The following DIPK1B variants were observed in gnomAD, a reference collection of about 807,000 sequenced individuals.
DIPK1B encodes the protein divergent protein kinase domain 1B.
DIPK1B carries 17 observed loss-of-function variants against 20.7 expected under a neutral mutation model. The observed-to-expected ratio is 0.82, with a 90% confidence interval of 0.56 to 1.23. The LOEUF is 1.23. Among genes scored for constraint, DIPK1B ranks in the 50% most tolerant of loss-of-function variants. The pLI is 0.00. For missense variants in DIPK1B, 648 were observed against 601.8 expected, an observed-to-expected ratio of 1.08 and a Z score of -0.80; for synonymous variants, 343 against 276.5, an observed-to-expected ratio of 1.24 and a Z score of -2.39.
At position 136,723,668 on chromosome 9, in the gene DIPK1B, C is replaced by T. The variant is rs749581236; in HGVS notation, c.1190C>T (p.Thr397Ile). The T allele has an allele frequency of 1.9e-6, 3 of 1,549,920 alleles. No homozygotes were observed. The highest frequency in any genetic ancestry group is 2.4e-5 in the East Asian group (1 of 41,474). The change falls in exon 5 of 5, where the codon ACC becomes ATC. Residue 397 changes from threonine to isoleucine, a missense_variant. Thr to Ile is a moderately conservative substitution (Grantham distance 89, BLOSUM62 -1). Transcript: ENST00000371692. The stretch of plus-strand genomic sequence containing the variant: ...CTGGGCACACAGCTGCGCACCTGTA[C>T]CACGCTGAGCGGGCTGGCCAGCCAG... The part of the protein sequence containing the change: ...EELGTQLRTC[T>I]TLSGLASQVE...
chr9:136,724,238 G>A lies in DIPK1B; in HGVS notation c.*464G>A, dbSNP rs116901191. Among the ~76,000 whole-genome samples, 19 of 152,248 alleles carry A rather than the reference G, an allele frequency of 1.2e-4. No homozygotes were observed. The highest frequency in any genetic ancestry group is 6.2e-4 in the South Asian group (3 of 4,822). On this transcript the variant is annotated 3_prime_UTR_variant, in exon 5 of 5. Transcript: ENST00000371692. ...TCAACCCACACACACCTCTGAAGCCGCCAGGGCAGTTCCCCAAACACAGCG... is the reference window on the plus strand; with the variant it reads ...TCAACCCACACACACCTCTGAAGCCACCAGGGCAGTTCCCCAAACACAGCG...
At position 136,722,250 on chromosome 9, in the gene DIPK1B, C is replaced by G. The variant is rs779491125; in HGVS notation, c.432C>G (p.Thr144=). 31 of 1,613,900 alleles carry G rather than the reference C, an allele frequency of 1.9e-5. No individual in the cohort carries two copies. Among genetic ancestry groups the G allele is most frequent in the Non-Finnish European group, 2.5e-5 (30 of 1,179,980 alleles). The change falls in exon 4 of 5, where the codon ACC becomes ACG. Residue 144 remains threonine, a synonymous_variant. Coordinates refer to ENST00000371692, the MANE Select transcript of DIPK1B (RefSeq NM_152421.4). ...RRELVLFDKP[T]RGTSIKEFRE... is the part of the protein sequence containing the mutation. ...AGCTGGTACTGTTTGACAAGCCCAC[C>G]CGGGGCACCTCCATCAAGGAATTCC...
intron 4 of DIPK1B, 182 bp downstream of exon 4, chr9:136,722,483 C>A: frequency 1.3e-6 from 1 of 782,118 alleles, no homozygotes; most frequent in South Asian, 1.8e-5. Flanking sequence ...CTCTCCAGGG[C>A]TGGGGGCAAG....
At chr9:136,717,441 G>C in intron 1 of DIPK1B, 136 bp from the exon 2 acceptor site, 1 of 976,110 alleles carries the variant, frequency 1.0e-6, no homozygotes, top group Non-Finnish European at 1.5e-6. Context: ...AGAAGACGGG[G>C]GTGCCAGGGG....
rs982951544 is a variant in DIPK1B, at chr9:136,722,182, A to C, written c.364A>C (p.Thr122Pro). 1 of 1,612,452 alleles carries C rather than the reference A, an allele frequency of 6.2e-7. No individual in the cohort carries two copies. Among genetic ancestry groups the C allele is most frequent in the African/African-American group, 1.3e-5 (1 of 74,320 alleles). ...DVTIKCGIEE[T>P]LDSKARSDAA... ...AACCATCAAGTGTGGCATTGAGGAG[A>C]CCCTCGACTCCAAGGCCCGGTCGGA... Residue 122 changes from threonine (T) to proline (P), a missense_variant, in exon 4 of 5, where the codon ACC (threonine) becomes CCC (proline). By Grantham distance (38) the Thr-to-Pro change is conservative. Coordinates refer to ENST00000371692, the MANE Select transcript of DIPK1B (RefSeq NM_152421.4).
chr9:136,717,927 T>C (rs1846524255), intron 2 of DIPK1B, among the ~76,000 whole-genome samples: 1 of 67,646 alleles, frequency 1.5e-5, no homozygotes, highest in Non-Finnish European at 3.0e-5. Context: ...TCAGGCTGGG[T>C]GTGGAGGATG....
intron 2 of DIPK1B, among the ~76,000 whole-genome samples, chr9:136,718,170 G>A (rs1399326739): frequency 2.8e-5 from 3 of 108,100 alleles, no homozygotes; most frequent in Non-Finnish European, 6.2e-5. Context: ...TCACTGGCCT[G>A]GGATAGAGAC....
rs142334832 is a variant in DIPK1B, at chr9:136,722,976, C to T, written c.498C>T (p.Asp166=). Residue 166 remains aspartate, a synonymous_variant, in exon 5 of 5, where the codon GAC becomes GAT. Transcript: ENST00000371692. ...CCAAACGCCAGGCGAACCTGGGAGA[C>T]CTGCCTTCCCTGCCGGCGCTGGTTG... ...TLSFLKANLG[D]LPSLPALVGQ... 54 of 1,605,806 alleles carry T rather than the reference C, an allele frequency of 3.4e-5. No homozygotes were observed. Among genetic ancestry groups the T allele is most frequent in the South Asian group, 1.8e-4 (16 of 90,850 alleles).
In DIPK1B at chr9:136,723,413, A is replaced by T; in HGVS notation, c.935A>T (p.Lys312Met). 6.2e-7 allele frequency: 1 copy of T among 1,612,734 alleles called. No individual in the cohort carries two copies. The highest frequency in any genetic ancestry group is 8.5e-7 in the Non-Finnish European group (1 of 1,179,584). Residue 312 changes from lysine to methionine, a missense_variant, in exon 5 of 5, where the codon AAG becomes ATG. Coordinates refer to ENST00000371692, the MANE Select transcript of DIPK1B (RefSeq NM_152421.4). ...NVGYTATYDF[K>M]MADLQQVAPE... ...GGCTACACAGCCACCTACGACTTCA[A>T]GATGGCCGACCTGCAGCAGGTGGCA...
intron 1 of DIPK1B, among the ~76,000 whole-genome samples, chr9:136,715,784 G>C (rs1431925190): frequency 6.6e-6 from 1 of 152,172 alleles, no homozygotes; most frequent in Non-Finnish European, 1.5e-5. Flanking sequence ...AAAGTTCTGG[G>C]ATTACAGGGG....
intron 4 of DIPK1B, 76 bp from the exon 5 acceptor site, chr9:136,722,886 G>A: frequency 1.4e-6 from 2 of 1,432,794 alleles, no homozygotes; most frequent in African/African-American, 1.4e-5. Flanking sequence ...CCGCCAGGAG[G>A]ACCAGGTAAA....
chr9:136,724,722 T>C lies in DIPK1B; in HGVS notation c.*948T>C, dbSNP rs1345562950. ...AAATAAATGTTTTCCATATAGATTT[T>C]CCCCTTGGGGGGGAAAAGAATTCAG... On this transcript the variant is annotated 3_prime_UTR_variant, in exon 5 of 5. Coordinates refer to ENST00000371692, the MANE Select transcript of DIPK1B (RefSeq NM_152421.4). 1 of 152,230 alleles carries C rather than the reference T, an allele frequency of 6.6e-6. No homozygotes were observed. Among genetic ancestry groups the C allele is most frequent in the African/African-American group, 2.4e-5 (1 of 41,466 alleles). The allele number at this position is 152,230 out of a possible 1,614,324, so 9.4% of individuals were successfully genotyped here. A position where few individuals can be genotyped will look rare whatever the true frequency, so the allele number is the denominator to read the frequency against.
chr9:136,718,551 C>T lies in DIPK1B; in HGVS notation c.198+840C>T, dbSNP rs1051880170. Among the ~76,000 whole-genome samples the T allele has an allele frequency of 2.6e-5, 4 of 152,210 alleles. 1 individual carries two copies. Among genetic ancestry groups the T allele is most frequent in the South Asian group, 4.1e-4 (2 of 4,834 alleles). On this transcript the variant is annotated intron_variant, in intron 2 of 4. Transcript: ENST00000371692. ...CTGTCTTCCTGGCAAACCCTAGACT[C>T]GCCCAGAACTGGGCAGGTCCCCCAC...
chr9:136,723,440 C>T lies in DIPK1B; in HGVS notation c.962C>T (p.Pro321Leu). ...FKMADLQQVA[P>L]EATVRRFLQG... ...ATGGCCGACCTGCAGCAGGTGGCAC[C>T]CGAGGCCACCGTGCGCCGCTTCCTG... is the stretch of plus-strand genomic sequence containing the variant. Residue 321 changes from proline to leucine, a missense_variant, in exon 5 of 5, where the codon CCC (proline) becomes CTC (leucine). Pro to Leu is a moderately conservative substitution (Grantham distance 98). Transcript: ENST00000371692. 2.5e-6 allele frequency: 4 copies of T among 1,611,818 alleles called. No homozygotes were observed. Among genetic ancestry groups the T allele is most frequent in the Non-Finnish European group, 3.4e-6 (4 of 1,179,302 alleles).
At chr9:136,716,719 C>T (rs372766347) in intron 1 of DIPK1B, among the ~76,000 whole-genome samples, 1 of 152,124 alleles carries the variant, frequency 6.6e-6, no homozygotes, top group South Asian at 2.1e-4. Flanking sequence ...CTCTTAAAGG[C>T]TTCCAGGATG....
rs1462257355 is a variant in DIPK1B, at chr9:136,722,701, A to G, written c.484-261A>G. The G allele has an allele frequency of 6.9e-6, 4 of 580,888 alleles. No homozygotes were observed. In the East Asian group the frequency reaches 1.1e-4, roughly 17 times the overall value. 36.0% of individuals were successfully genotyped at this position (580,888 alleles called of 1,614,324 possible). A position where few individuals can be genotyped will look rare whatever the true frequency, so the allele number is the denominator to read the frequency against. On this transcript the variant is annotated intron_variant, in intron 4 of 4. Transcript: ENST00000371692. ...CTGAGGCTTCTCTGCCCAGGTGCCC[A>G]CCCCCGAGCTCCCCAGGTGCACCCA...
rs911271196 is a variant in DIPK1B, at chr9:136,712,655, C to T, written c.-11C>T. ...GCCGCGGGGCCCGCGCAGCCCCGGC[C>T]GGAGCCCACCATGCGGCGGCTGCGG... On this transcript the variant is annotated 5_prime_UTR_variant, in exon 1 of 5. Coordinates refer to ENST00000371692, the MANE Select transcript of DIPK1B (RefSeq NM_152421.4). The surrounding 1 kb of genome is among the most constrained non-coding windows in gnomAD (Gnocchi z 5.6). 5.6e-6 allele frequency: 7 copies of T among 1,248,552 alleles called. No individual in the cohort carries two copies. Among genetic ancestry groups the T allele is most frequent in the African/African-American group, 1.6e-5 (1 of 62,904 alleles). 77.3% of individuals were successfully genotyped at this position (1,248,552 alleles called of 1,614,324 possible).
At chr9:136,715,097 C>T (rs1056963654) in intron 1 of DIPK1B, among the ~76,000 whole-genome samples, 4 of 152,350 alleles carry the variant, frequency 2.6e-5, no homozygotes, top group African/African-American at 9.6e-5. Flanking sequence ...GTGCCCAGGG[C>T]AGCCTCTCCC....
In DIPK1B at chr9:136,723,268, C is replaced by T. The variant is rs1168895132; in HGVS notation, c.790C>T (p.Leu264=). ...PALQGALQQW[L]GPAWPWRAKI... ...CCTGCAGGGTGCTCTCCAGCAGTGG[C>T]TGGGGCCTGCGTGGCCTTGGCGGGC... The change falls in exon 5 of 5, where the codon CTG becomes TTG. Residue 264 remains leucine, a synonymous_variant. Coordinates refer to ENST00000371692, the MANE Select transcript of DIPK1B (RefSeq NM_152421.4). The T allele has an allele frequency of 6.2e-7, 1 of 1,612,412 alleles. No individual in the cohort carries two copies. The highest frequency in any genetic ancestry group is 1.3e-5 in the African/African-American group (1 of 74,938).
Sources: gnomAD v4.1 joint callset for allele counts (sites outside exome capture counted in the v4.1 genomes callset) on GRCh38, gnomAD v4.1.1 for gene constraint, Gnocchi (gnomAD v3.1) non-coding constraint, MANE v1.5 for transcripts, NCBI Gene and HGNC (gene_info 2026-07-23, HGNC 2026-07-21) for gene names.